Variants in VPS50 observed in about 807,000 individuals in gnomAD.
VPS50 encodes the protein VPS50 subunit of EARP/GARPII complex, also known as syndetin.
In VPS50, 70 loss-of-function variants were observed where a neutral mutation model predicts 139.7. The observed-to-expected ratio is 0.50, with a 90% CI of 0.41 to 0.61. The LOEUF is 0.61. Ranked by LOEUF, VPS50 falls within the 20% of genes least tolerant of loss-of-function variation. The pLI, the probability that VPS50 is intolerant of heterozygous loss-of-function variation, is 0.00. For missense variants in VPS50, 921 were observed against 1,133.7 expected, an observed-to-expected ratio of 0.81 and a Z score of 2.69; for synonymous variants, 365 against 376.7, an observed-to-expected ratio of 0.97 and a Z score of 0.36.
At chr7:93,306,071 G>A in intron 18 of VPS50, 67 bp downstream of exon 18, 1 of 1,158,620 alleles carries the variant, frequency 8.6e-7, no homozygotes, top group East Asian at 2.4e-5. Flanking sequence ...AATGAACAAG[G>A]CAATTCACTA....
intron 11 of VPS50, among the ~76,000 whole-genome samples, chr7:93,275,430 A>C (rs1428176521): frequency 6.6e-6 from 1 of 152,118 alleles, no homozygotes; most frequent in Non-Finnish European, 1.5e-5. Flanking sequence ...AGCAACCAGC[A>C]CCCTGATCAG....
chr7:93,326,145 T>C (rs976470961), intron 21 of VPS50, among the ~76,000 whole-genome samples: 8 of 151,580 alleles, frequency 5.3e-5, no homozygotes, highest in Non-Finnish European at 7.4e-5. Flanking sequence ...ATGTCCTTTG[T>C]AGGGACATGG....
chr7:93,304,632 C>A (rs1409988245), intron 17 of VPS50, among the ~76,000 whole-genome samples: 1 of 151,632 alleles, frequency 6.6e-6, no homozygotes, highest in Non-Finnish European at 1.5e-5. Flanking sequence ...ATTTGAACTC[C>A]TTTTTAACCA....
At position 93,342,036 on chromosome 7, in the gene VPS50, G is replaced by A. The variant is rs550029131; in HGVS notation, c.2207+461G>A. On this transcript the variant is annotated intron_variant, in intron 23 of 27. Coordinates refer to ENST00000305866, the MANE Select transcript of VPS50 (RefSeq NM_017667.4). ...TCCCAGCGTGAACGACACAGAAGAC[G>A]GGTGATTTCTGCATTTCCATCTGAG... Among the ~76,000 whole-genome samples, 135 of 152,270 alleles carry A rather than the reference G, an allele frequency of 8.9e-4. 1 individual carries two copies. The highest frequency in any genetic ancestry group is 1.5e-3 in the Non-Finnish European group (104 of 68,016).
At chr7:93,262,423 C>T (rs1057095828) in intron 9 of VPS50, among the ~76,000 whole-genome samples, 5 of 151,858 alleles carry the variant, frequency 3.3e-5, no homozygotes, top group African/African-American at 7.3e-5. Context: ...CTACAGTTAT[C>T]GAATGAGGTT....
At chr7:93,324,409 A>G (rs1434191314) in intron 21 of VPS50, among the ~76,000 whole-genome samples, 1 of 152,152 alleles carries the variant, frequency 6.6e-6, no homozygotes, top group Non-Finnish European at 1.5e-5. Flanking sequence ...ATTAAGTATG[A>G]TATTGGCTGT....
chr7:93,252,636 AT>A lies in VPS50; in HGVS notation c.103-8del, dbSNP rs566871759. 1.1e-4 allele frequency: 174 copies of A among 1,535,338 alleles called. No homozygotes were observed. The highest frequency in any genetic ancestry group is 1.7e-4 in the Middle Eastern group (1 of 5,910). Reference sequence around the variant, plus strand: ...AACAGCTACAATTACTATAATTGTGATTTTTTTTTCTTAAAGGAAGAATTCA... The same window carrying A: ...AACAGCTACAATTACTATAATTGTGATTTTTTTTCTTAAAGGAAGAATTCA... On this transcript the variant is annotated splice_polypyrimidine_tract_variant and intron_variant, in intron 2 of 27. Transcript: ENST00000305866.
At chr7:93,326,145 T>G (rs976470961) in intron 21 of VPS50, among the ~76,000 whole-genome samples, 1 of 151,580 alleles carries the variant, frequency 6.6e-6, no homozygotes, top group Non-Finnish European at 1.5e-5. Flanking sequence ...ATGTCCTTTG[T>G]AGGGACATGG....
At position 93,271,229 on chromosome 7, in the gene VPS50, T is replaced by C; in HGVS notation, c.669T>C (p.Asn223=). ...FKHYSCISEL[N]SKLQDTLEQI... ...TTTTTTTTTTTAATAGTGAACTGAA[T>C]TCAAAGCTGCAAGATACTTTGGAAC... The change falls in exon 10 of 28, where the codon AAT becomes AAC. Residue 223 remains asparagine (N), a synonymous_variant. Coordinates refer to ENST00000305866, the MANE Select transcript of VPS50 (RefSeq NM_017667.4). 6.4e-7 allele frequency: 1 copy of C among 1,565,560 alleles called. No homozygotes were observed. The highest frequency in any genetic ancestry group is 8.6e-7 in the Non-Finnish European group (1 of 1,162,046).
intron 15 of VPS50, 151 bp downstream of exon 15, chr7:93,296,987 T>C (rs1796829963): frequency 1.4e-6 from 2 of 1,438,560 alleles, no homozygotes; most frequent in Admixed American, 6.7e-5. Context: ...TTTCTGCCCT[T>C]TGGGTGTTTG....
chr7:93,244,169 AT>A (rs1166672795), intron 2 of VPS50, among the ~76,000 whole-genome samples: 5 of 151,784 alleles, frequency 3.3e-5, no homozygotes, highest in South Asian at 2.1e-4. Flanking sequence ...ATAAGAAATA[AT>A]TTTTTTATAC....
chr7:93,232,994 A>T (rs1410455973), intron 1 of VPS50, among the ~76,000 whole-genome samples: 1 of 152,188 alleles, frequency 6.6e-6, no homozygotes, highest in East Asian at 1.9e-4. Context: ...GAAAATAATT[A>T]TTTTTGTTCA....
chr7:93,337,800 C>T (rs890388090), intron 22 of VPS50, among the ~76,000 whole-genome samples: 6 of 152,008 alleles, frequency 3.9e-5, no homozygotes, highest in Non-Finnish European at 8.8e-5. Flanking sequence ...TTCATACATA[C>T]CTAGTAACTG....
chr7:93,267,386 C>T (rs1795872588), intron 9 of VPS50, among the ~76,000 whole-genome samples: 1 of 152,180 alleles, frequency 6.6e-6, no homozygotes, highest in Admixed American at 6.5e-5. Context: ...ACATTCTCTT[C>T]CCTTTCCTGC....
At chr7:93,309,877 T>C (rs1330676884) in intron 19 of VPS50, among the ~76,000 whole-genome samples, 1 of 152,024 alleles carries the variant, frequency 6.6e-6, no homozygotes, top group African/African-American at 2.4e-5. Context: ...TTCTTAATGA[T>C]AAGTATATTC....
chr7:93,314,769 G>A (rs1287931844), intron 20 of VPS50, among the ~76,000 whole-genome samples: 1 of 152,084 alleles, frequency 6.6e-6, no homozygotes, highest in African/African-American at 2.4e-5. Context: ...TGCCTGAGAT[G>A]CAGCTTATGT....
intron 12 of VPS50, among the ~76,000 whole-genome samples, chr7:93,282,958 A>C (rs989766220): frequency 6.6e-6 from 1 of 152,240 alleles, no homozygotes; most frequent in African/African-American, 2.4e-5. Flanking sequence ...TAAATTAAGT[A>C]GGTTTTGATA....
intron 1 of VPS50, among the ~76,000 whole-genome samples, chr7:93,237,412 T>G (rs1794844633): frequency 6.6e-6 from 1 of 152,206 alleles, no homozygotes; most frequent in African/African-American, 2.4e-5. Context: ...TACATCCTCC[T>G]AACATGTACA....
chr7:93,277,169 A>G (rs1035851433), intron 12 of VPS50, among the ~76,000 whole-genome samples: 1 of 152,164 alleles, frequency 6.6e-6, no homozygotes, highest in Non-Finnish European at 1.5e-5. Flanking sequence ...TCTTAGAGCA[A>G]CTAGCTGGGT....
Sources: gnomAD v4.1 joint callset for allele counts (sites outside exome capture counted in the v4.1 genomes callset) on GRCh38, gnomAD v4.1.1 for gene constraint, MANE v1.5 for transcripts, NCBI Gene and HGNC (gene_info 2026-07-23, HGNC 2026-07-21) for gene names.